Variants in ATCAY observed in about 807,000 individuals in gnomAD.
ATCAY encodes caytaxin.
ATCAY carries 22 observed loss-of-function variants against 47.7 expected under a neutral mutation model. The observed-to-expected ratio is 0.46, with a 90% CI of 0.33 to 0.66. The LOEUF (loss-of-function observed/expected upper bound fraction) is 0.66, where lower values mean the gene tolerates loss of function less well. ATCAY is among the 30% of genes least tolerant of loss of function. The pLI is 0.02. For missense variants in ATCAY, 452 were observed against 515.0 expected (o/e 0.88, Z 1.18); for synonymous variants, 216 against 207.6 (o/e 1.04, Z -0.35).
At chr19:3,899,981 T>C (rs2038802494) in intron 2 of ATCAY, among the ~76,000 whole-genome samples, 2 of 152,170 alleles carry the variant, frequency 1.3e-5, no homozygotes, top group Non-Finnish European at 2.9e-5. Flanking sequence ...TCCTGTAGAC[T>C]GGGAACCTAG....
intron 3 of ATCAY, among the ~76,000 whole-genome samples, chr19:3,904,104 G>T (rs1396913258): frequency 6.6e-6 from 1 of 152,132 alleles, no homozygotes; most frequent in African/African-American, 2.4e-5. Context: ...AGCAAGCTGA[G>T]ATTGTGCCAT....
At position 3,912,199 on chromosome 19, in the gene ATCAY, G is replaced by A. The variant is rs765457527; in HGVS notation, c.866+1310G>A. ...ATAATTCTGTCACTCTTCACCGGTC[G>A]CCATGGCTCACACCTGTAATCCCAA... On this transcript the variant is annotated intron_variant, in intron 8 of 12. Transcript: ENST00000450849. Among the ~76,000 whole-genome samples, 6 of 152,072 alleles carry A rather than the reference G, an allele frequency of 3.9e-5. No individual in the cohort carries two copies. In the South Asian group the frequency reaches 6.2e-4, roughly 16 times the overall value.
Position 3,902,584 on chromosome 19 carries a change from A to G in ATCAY, c.136+39A>G, listed in dbSNP as rs766539565. Reference sequence around the variant, plus strand: ...TCCACAGAAGGGCGGAAACAGGCTCAGTGTTTCCGGGTTTCAGCCCTGCCT... The same window carrying G: ...TCCACAGAAGGGCGGAAACAGGCTCGGTGTTTCCGGGTTTCAGCCCTGCCT... On this transcript the variant is annotated intron_variant, in intron 3 of 12. Transcript: ENST00000450849. 4 of 1,548,450 alleles carry G rather than the reference A, an allele frequency of 2.6e-6. No individual in the cohort carries two copies. The African/African-American group carries it at 5.5e-5, about 21-fold the overall frequency.
chr19:3,882,443 G>T (rs2038610430), intron 1 of ATCAY, among the ~76,000 whole-genome samples: 1 of 151,570 alleles, frequency 6.6e-6, no homozygotes, highest in African/African-American at 2.4e-5. Flanking sequence ...TCAGCCTCCT[G>T]AATAGCTGGG....
rs1195900554 is a variant in ATCAY, at chr19:3,886,614, G to A, written c.77+770G>A. Among the ~76,000 whole-genome samples, 3 of 151,444 alleles carry A rather than the reference G, an allele frequency of 2.0e-5. 1 individual carries two copies. Among genetic ancestry groups the A allele is most frequent in the South Asian group, 4.2e-4 (2 of 4,788 alleles). The stretch of plus-strand genomic sequence containing the variant: ...AAAAGAAAAAAAAAAAAATTAGCTG[G>A]GTATGGTGTCATGCGCCTATAATTC... On this transcript the variant is annotated intron_variant, in intron 2 of 12. Transcript: ENST00000450849.
chr19:3,920,857 A>G (rs1428535677), intron 12 of ATCAY, 59 bp downstream of exon 12: 2 of 1,588,070 alleles, frequency 1.3e-6, no homozygotes, highest in South Asian at 1.1e-5. Flanking sequence ...ATGGACCTGT[A>G]TTAGTCAGGG....
intron 11 of ATCAY, among the ~76,000 whole-genome samples, chr19:3,919,753 C>CAA (rs60439580): frequency 0.011 from 1,517 of 140,400 alleles, 21 homozygotes; most frequent in African/African-American, 0.033. Flanking sequence ...GACCCTGTCT[C>CAA]AAAAAAAAAA....
intron 12 of ATCAY, among the ~76,000 whole-genome samples, chr19:3,923,203 A>G (rs1461391215): frequency 6.6e-6 from 1 of 152,126 alleles, no homozygotes; most frequent in Non-Finnish European, 1.5e-5. Context: ...GTATTTCTGA[A>G]AAGACCACCT....
At chr19:3,905,745 A>G in intron 4 of ATCAY, 90 bp downstream of exon 4, 7 of 1,233,418 alleles carry the variant, frequency 5.7e-6, no homozygotes, top group Non-Finnish European at 8.0e-6. Context: ...TCAGAGAGTC[A>G]CAAGTGGGGC....
At chr19:3,905,797 A>C in intron 4 of ATCAY, 142 bp downstream of exon 4, 1 of 687,390 alleles carries the variant, frequency 1.5e-6, no homozygotes, top group South Asian at 1.9e-5. Flanking sequence ...GGAGATCAAG[A>C]CTGCAGTGAG....
intron 9 of ATCAY, among the ~76,000 whole-genome samples, chr19:3,916,122 C>T (rs558783574): frequency 3.3e-5 from 5 of 152,160 alleles, no homozygotes; most frequent in Non-Finnish European, 7.4e-5. Flanking sequence ...CTCTAGGGAC[C>T]TCCTAGGAAT....
At chr19:3,894,176 G>C (rs1054949060) in intron 2 of ATCAY, among the ~76,000 whole-genome samples, 2 of 151,762 alleles carry the variant, frequency 1.3e-5, no homozygotes, top group African/African-American at 4.8e-5. Context: ...GACCCCATCT[G>C]CAGAAAAATA....
chr19:3,914,908 G>A (rs1325703770), intron 9 of ATCAY, among the ~76,000 whole-genome samples: 1 of 151,990 alleles, frequency 6.6e-6, no homozygotes, highest in Non-Finnish European at 1.5e-5. Context: ...TGGCTACCAG[G>A]AGCCAGCAAT....
rs936321014 is a variant in ATCAY at position 3,907,617 on chromosome 19, G to A, written c.359-117G>A. 1.1e-5 allele frequency: 14 copies of A among 1,276,236 alleles called. No individual in the cohort carries two copies. Among genetic ancestry groups the A allele is most frequent in the Admixed American group, 4.7e-5 (2 of 42,158 alleles). 79.1% of individuals were successfully genotyped at this position (1,276,236 alleles called of 1,614,324 possible). ...GCAGGGCAGCCAGGTGGGGAGAAGC[G>A]AAGGACTTGTGGGTCCCGGCAGCGA... On this transcript the variant is annotated intron_variant, in intron 4 of 12. Transcript: ENST00000450849. The surrounding 1 kb of genome is among the most constrained non-coding windows in gnomAD (Gnocchi z 5.1).
rs2039060497 is a variant in ATCAY at position 3,925,642 on chromosome 19, A to G, written c.*1050A>G. The G allele has an allele frequency of 6.6e-6, 1 of 152,202 alleles. No individual in the cohort carries two copies. Among genetic ancestry groups the G allele is most frequent in the Non-Finnish European group, 1.5e-5 (1 of 68,044 alleles). 9.4% of individuals were successfully genotyped at this position (152,202 alleles called of 1,614,324 possible). A position where few individuals can be genotyped will look rare whatever the true frequency, so the allele number is the denominator to read the frequency against. On this transcript the variant is annotated 3_prime_UTR_variant, in exon 13 of 13. Transcript: ENST00000450849. The surrounding 1 kb of genome is among the most constrained non-coding windows in gnomAD (Gnocchi z 4.4). ...AGGAAAAAGAAGACAGACTTTTCTA[A>G]TGTGGTCCAAATGCGGATCACTGGT...
intron 12 of ATCAY, among the ~76,000 whole-genome samples, chr19:3,921,896 A>T (rs577056381): frequency 3.5e-5 from 2 of 57,768 alleles, no homozygotes; most frequent in Non-Finnish European, 7.2e-5. Context: ...GACTCTGTTT[A>T]AAAAAAAAAA....
At chr19:3,913,884 G>C (rs1182868100) in intron 9 of ATCAY, 28 bp downstream of exon 9, 1 of 1,578,418 alleles carries the variant, frequency 6.3e-7, no homozygotes, top group Non-Finnish European at 8.7e-7. Flanking sequence ...CCACCCCGCC[G>C]TATTAGTCTG....
At chr19:3,917,608 A>AGG in intron 9 of ATCAY, 134 bp from the exon 10 acceptor site, 1 of 842,870 alleles carries the variant, frequency 1.2e-6, no homozygotes, top group South Asian at 1.9e-5. Context: ...AAAAAAAAAA[A>AGG]AAGGAAGAAG....
intron 12 of ATCAY, among the ~76,000 whole-genome samples, chr19:3,921,062 G>T (rs1188918812): frequency 6.6e-6 from 1 of 152,052 alleles, no homozygotes; most frequent in Non-Finnish European, 1.5e-5. Context: ...CCTAGACCAG[G>T]ATGCAAATGA....
Sources: gnomAD v4.1 joint callset for allele counts (sites outside exome capture counted in the v4.1 genomes callset) on GRCh38, gnomAD v4.1.1 for gene constraint, Gnocchi (gnomAD v3.1) non-coding constraint, MANE v1.5 for transcripts, NCBI Gene and HGNC (gene_info 2026-07-23, HGNC 2026-07-21) for gene names.